Variants in SGMS1 observed in about 807,000 individuals in gnomAD.
The protein encoded by SGMS1 is phosphatidylcholine:ceramide cholinephosphotransferase 1.
Under a neutral mutation model 46.2 loss-of-function variants are expected in SGMS1, and 13 were observed. That is an observed-to-expected ratio of 0.28 (90% confidence interval 0.18 to 0.45). The LOEUF is 0.45. Among genes scored for constraint, SGMS1 ranks in the 20% least tolerant of loss-of-function variants. SGMS1 has a pLI of 1.00. For missense variants in SGMS1, 324 were observed against 519.9 expected, an observed-to-expected ratio of 0.62 and a Z score of 3.66; for synonymous variants, 203 against 187.8, an observed-to-expected ratio of 1.08 and a Z score of -0.66.
chr10:50,495,912 A>G (rs1023657997), intron 3 of SGMS1, among the ~76,000 whole-genome samples: 3 of 152,084 alleles, frequency 2.0e-5, no homozygotes, highest in Non-Finnish European at 1.5e-5. Context: ...GAAAGGGAGG[A>G]TTTTCACTTT....
At chr10:50,613,424 C>T (rs1386773115) in intron 1 of SGMS1, among the ~76,000 whole-genome samples, 1 of 152,244 alleles carries the variant, frequency 6.6e-6, no homozygotes, top group African/African-American at 2.4e-5. Context: ...ACCAGGGAAA[C>T]TGGCCCATAG....
chr10:50,379,396 G>T (rs1025104163), intron 6 of SGMS1, among the ~76,000 whole-genome samples: 1 of 151,508 alleles, frequency 6.6e-6, no homozygotes, highest in Non-Finnish European at 1.5e-5. Context: ...CATATTAATT[G>T]AAAAATGTAT....
At chr10:50,547,636 T>C (rs1564429020) in intron 2 of SGMS1, among the ~76,000 whole-genome samples, 1 of 152,142 alleles carries the variant, frequency 6.6e-6, no homozygotes, top group Non-Finnish European at 1.5e-5. Context: ...TGGTACTATT[T>C]CTACTGAAAC....
intron 6 of SGMS1, among the ~76,000 whole-genome samples, chr10:50,361,379 C>T (rs575199522): frequency 6.6e-6 from 1 of 152,166 alleles, no homozygotes; most frequent in African/African-American, 2.4e-5. Context: ...AAAGGCTGCC[C>T]GAGGAAGTCA....
intron 5 of SGMS1, among the ~76,000 whole-genome samples, chr10:50,454,087 G>GAAA (rs1483709362): frequency 8.0e-6 from 1 of 125,074 alleles, no homozygotes; most frequent in Non-Finnish European, 1.7e-5. Context: ...AGAAAGAAAT[G>GAAA]AGTTTTCCAG....
chr10:50,457,046 GT>G (rs1156694362), intron 5 of SGMS1, among the ~76,000 whole-genome samples: 3 of 152,114 alleles, frequency 2.0e-5, no homozygotes, highest in Admixed American at 1.3e-4. Flanking sequence ...TTATGTTCTT[GT>G]TTTTTAGAGA....
At chr10:50,321,775 C>T (rs909269313) in intron 8 of SGMS1, among the ~76,000 whole-genome samples, 2 of 152,062 alleles carry the variant, frequency 1.3e-5, no homozygotes, top group Admixed American at 1.3e-4. Flanking sequence ...TAGAGGGCAC[C>T]TGGAATACTC....
At chr10:50,412,460 A>C (rs928733175) in intron 6 of SGMS1, among the ~76,000 whole-genome samples, 13 of 152,158 alleles carry the variant, frequency 8.5e-5, no homozygotes, top group African/African-American at 3.1e-4. Flanking sequence ...TCACCTACAA[A>C]AATTCACACC....
intron 2 of SGMS1, among the ~76,000 whole-genome samples, chr10:50,556,011 C>G (rs1029460088): frequency 6.6e-6 from 1 of 152,190 alleles, no homozygotes; most frequent in Non-Finnish European, 1.5e-5. Context: ...TCATTTTCCC[C>G]TCTCCTCCAT....
intron 3 of SGMS1, among the ~76,000 whole-genome samples, chr10:50,470,106 C>T (rs892534174): frequency 2.0e-5 from 3 of 152,098 alleles, no homozygotes; most frequent in African/African-American, 4.8e-5. Context: ...AGGCATGCTT[C>T]GTTTTTGGCA....
Position 50,367,763 on chromosome 10 carries a change from T to G in SGMS1, c.-231-23418A>C, listed in dbSNP as rs1444054109. Among the ~76,000 whole-genome samples the G allele has an allele frequency of 2.0e-5, 3 of 152,222 alleles. 1 individual carries two copies. Among genetic ancestry groups the G allele is most frequent in the Non-Finnish European group, 4.4e-5 (3 of 68,034 alleles). On this transcript the variant is annotated intron_variant, in intron 6 of 10. Transcript: ENST00000361781. ...CTTGCTTCTAACTAAGATGTGCTAA[T>G]TTCCCAAACTTCCAGGTCCCACTTT... is the stretch of plus-strand genomic sequence containing the variant.
intron 7 of SGMS1, chr10:50,341,489 C>T: frequency 4.4e-6 from 2 of 454,978 alleles, no homozygotes; most frequent in East Asian, 7.0e-5. Context: ...ATTCTGGACA[C>T]AAACGCTCTG....
upstream of SGMS1, chr10:50,625,032 C>T: frequency 5.0e-6 from 5 of 1,003,858 alleles, no homozygotes; most frequent in Non-Finnish European, 6.0e-6. Flanking sequence ...CCACGCCCTC[C>T]CATCGGGCTT....
At chr10:50,499,800 A>C (rs1411854184) in intron 3 of SGMS1, among the ~76,000 whole-genome samples, 1 of 152,216 alleles carries the variant, frequency 6.6e-6, no homozygotes, top group Non-Finnish European at 1.5e-5. Flanking sequence ...TTGATTAGTT[A>C]ATTAAAAAGT....
At chr10:50,538,374 C>T (rs11006075) in intron 2 of SGMS1, among the ~76,000 whole-genome samples, 23,962 of 149,618 alleles carry the variant, frequency 0.16, 2,336 homozygotes, top group East Asian at 0.28. Context: ...AGGACAATGG[C>T]ATGAACCCGG....
At chr10:50,396,363 A>G (rs781301703) in intron 6 of SGMS1, among the ~76,000 whole-genome samples, 6 of 152,092 alleles carry the variant, frequency 3.9e-5, no homozygotes, top group Non-Finnish European at 7.4e-5. Context: ...AGTAAGGTAC[A>G]TTTCTCTTCC....
chr10:50,316,362 C>T (rs1475428713), intron 8 of SGMS1, among the ~76,000 whole-genome samples: 1 of 152,208 alleles, frequency 6.6e-6, no homozygotes, highest in East Asian at 1.9e-4. Context: ...GGAAAGTCAG[C>T]AAGGCAGACC....
At chr10:50,411,522 T>C (rs971615338) in intron 6 of SGMS1, among the ~76,000 whole-genome samples, 2 of 100,522 alleles carry the variant, frequency 2.0e-5, no homozygotes, top group Non-Finnish European at 4.9e-5. Context: ...TTTCAAACAT[T>C]TTCAGCAACA....
intron 6 of SGMS1, among the ~76,000 whole-genome samples, chr10:50,389,807 T>C (rs1169790994): frequency 2.6e-5 from 4 of 152,014 alleles, no homozygotes; most frequent in Non-Finnish European, 5.9e-5. Flanking sequence ...AGCTTTTTGT[T>C]TGTACAAAAA....
Sources: gnomAD v4.1 joint callset for allele counts (sites outside exome capture counted in the v4.1 genomes callset) on GRCh38, gnomAD v4.1.1 for gene constraint, MANE v1.5 for transcripts, NCBI Gene and HGNC (gene_info 2026-07-23, HGNC 2026-07-21) for gene names.